The following EFR3B variants were observed in gnomAD, a reference collection of about 807,000 sequenced individuals.
The protein encoded by EFR3B is EFR3 homolog B.
In EFR3B, 64 loss-of-function variants were observed where a neutral mutation model predicts 104.7. That is an observed-to-expected ratio of 0.61 (90% CI 0.50 to 0.75). EFR3B has a LOEUF of 0.75. Among genes scored for constraint, EFR3B ranks in the 30% least tolerant of loss-of-function variants. EFR3B has a pLI of 0.00. For missense variants in EFR3B, 750 were observed against 1,078.5 expected (o/e 0.70, Z 4.27); for synonymous variants, 385 against 417.9 (o/e 0.92, Z 0.96).
Position 25,126,363 on chromosome 2 carries a change from C to CT in EFR3B, c.486-1806dup, listed in dbSNP as rs869190804. Among the ~76,000 whole-genome samples the CT allele has an allele frequency of 4.6e-3, 664 of 143,614 alleles. 4 individuals carry two copies. Among genetic ancestry groups the CT allele is most frequent in the African/African-American group, 8.8e-3 (345 of 39,364 alleles). The allele number at this position is 143,614 out of a possible 152,430, so 94.2% of individuals were successfully genotyped here. ...ACCACCATACCTGGCTAATTTCTTT[C>CT]TTTTTTTTTTTTTTGAGACAGGGTC... On this transcript the variant is annotated intron_variant, in intron 5 of 22. Transcript: ENST00000403714.
chr2:25,128,400 A>T, intron 6 of EFR3B, 68 bp downstream of exon 6: 1 of 1,539,356 alleles, frequency 6.5e-7, no homozygotes, highest in Non-Finnish European at 8.8e-7. Context: ...TGGGAACCAC[A>T]TGGTTTGGGT....
At chr2:25,085,265 A>T (rs1303539485) in intron 1 of EFR3B, among the ~76,000 whole-genome samples, 1 of 152,214 alleles carries the variant, frequency 6.6e-6, no homozygotes, top group African/African-American at 2.4e-5. Flanking sequence ...CAAAGGTCAG[A>T]TGACAGAATT....
At chr2:25,129,788 TC>T (rs1210994843) in intron 6 of EFR3B, among the ~76,000 whole-genome samples, 186 bp from the exon 7 acceptor site, 1 of 152,092 alleles carries the variant, frequency 6.6e-6, no homozygotes, top group Non-Finnish European at 1.5e-5. Context: ...TTCCCCCACT[TC>T]CCCCAGTGGG....
Position 25,042,288 on chromosome 2 carries a change from C to T in EFR3B, c.-25C>T, listed in dbSNP as rs1667593859. ...GGGAACGCCGCAGCGACGCCGGCCTCTCGAGAGGCGCGCGCCCCGCCGAGA... is the reference window on the plus strand; with the variant it reads ...GGGAACGCCGCAGCGACGCCGGCCTTTCGAGAGGCGCGCGCCCCGCCGAGA... On this transcript the variant is annotated 5_prime_UTR_variant, in exon 1 of 23. Transcript: ENST00000403714. The surrounding 1 kb of genome is among the most constrained non-coding windows in gnomAD (Gnocchi z 5.4). 3.1e-6 allele frequency: 4 copies of T among 1,297,182 alleles called. No individual in the cohort carries two copies. The highest frequency in any genetic ancestry group is 3.9e-6 in the Non-Finnish European group (4 of 1,024,766). 80.4% of individuals were successfully genotyped at this position (1,297,182 alleles called of 1,614,324 possible). A position where few individuals can be genotyped will look rare whatever the true frequency, so the allele number is the denominator to read the frequency against.
intron 4 of EFR3B, among the ~76,000 whole-genome samples, chr2:25,112,334 G>C (rs1332326524): frequency 1.3e-5 from 2 of 152,258 alleles, no homozygotes; most frequent in Non-Finnish European, 2.9e-5. Flanking sequence ...AGATGGGGCT[G>C]CCCAGGGCCA....
At chr2:25,083,996 C>A (rs532063995) in intron 1 of EFR3B, among the ~76,000 whole-genome samples, 145 of 152,210 alleles carry the variant, frequency 9.5e-4, no homozygotes, top group African/African-American at 3.3e-3. Context: ...GTAACCTATC[C>A]CTGCCCTGGT....
intron 10 of EFR3B, 102 bp from the exon 11 acceptor site, chr2:25,132,801 T>A: frequency 1.1e-6 from 1 of 948,072 alleles, no homozygotes; most frequent in South Asian, 1.5e-5. Context: ...CTGGATTGAC[T>A]CCGGAGAGAG....
intron 17 of EFR3B, among the ~76,000 whole-genome samples, chr2:25,142,595 C>T (rs900532476): frequency 2.0e-5 from 3 of 151,350 alleles, no homozygotes; most frequent in Non-Finnish European, 4.4e-5. Context: ...CCTGTCTCTA[C>T]TAAAAATACA....
In EFR3B at chr2:25,133,033, C is replaced by T. The variant is rs1670413128; in HGVS notation, c.1259+19C>T. Reference sequence around the variant, plus strand: ...GGACGGGGTGAGCCACCAATCTCCCCCAGCCTGGAGTCCTCCTCTCCCCCA... The same window carrying T: ...GGACGGGGTGAGCCACCAATCTCCCTCAGCCTGGAGTCCTCCTCTCCCCCA... On this transcript the variant is annotated intron_variant, in intron 11 of 22. Coordinates refer to ENST00000403714, the MANE Select transcript of EFR3B (RefSeq NM_014971.2). 4 of 1,547,052 alleles carry T rather than the reference C, an allele frequency of 2.6e-6. No individual in the cohort carries two copies. The highest frequency in any genetic ancestry group is 1.7e-4 in the Middle Eastern group (1 of 5,982).
chr2:25,070,983 C>A (rs776883212), intron 1 of EFR3B, among the ~76,000 whole-genome samples: 2 of 152,224 alleles, frequency 1.3e-5, no homozygotes, highest in Non-Finnish European at 2.9e-5. Flanking sequence ...TTTTTTGAGA[C>A]GGAGTCTCGC....
At chr2:25,135,660 C>A (rs1226933068) in intron 13 of EFR3B, 21 bp downstream of exon 13, 1 of 1,551,706 alleles carries the variant, frequency 6.4e-7, no homozygotes. Context: ...GGTGTCTCCT[C>A]CAGGCAATGC....
At chr2:25,077,596 C>G (rs910311099) in intron 1 of EFR3B, among the ~76,000 whole-genome samples, 1 of 152,152 alleles carries the variant, frequency 6.6e-6, no homozygotes, top group Non-Finnish European at 1.5e-5. Flanking sequence ...GCCGAAAGGC[C>G]TTCAGTAAGA....
chr2:25,085,076 C>T (rs1207216817), intron 1 of EFR3B, among the ~76,000 whole-genome samples: 2 of 152,248 alleles, frequency 1.3e-5, no homozygotes, highest in Non-Finnish European at 2.9e-5. Flanking sequence ...GTCTTTTTCA[C>T]TGCTATGAAC....
chr2:25,103,473 C>A lies in EFR3B; in HGVS notation c.213-164C>A, dbSNP rs980703584. ...ATTCTGACTCAGTTCTGGGCTGGAG[C>A]AGACACTTGTTGGAAAGGCTATCCA... On this transcript the variant is annotated intron_variant, in intron 3 of 22. Coordinates refer to ENST00000403714, the MANE Select transcript of EFR3B (RefSeq NM_014971.2). 9.8e-5 allele frequency among the ~76,000 whole-genome samples: 15 copies of A among 152,332 alleles called. No homozygotes were observed. In the South Asian group the frequency reaches 1.9e-3, roughly 19 times the overall value.
Position 25,114,790 on chromosome 2 carries a change from G to T in EFR3B, c.364-6883G>T, listed in dbSNP as rs551283900. Among the ~76,000 whole-genome samples, 2 of 152,196 alleles carry T rather than the reference G, an allele frequency of 1.3e-5. No individual in the cohort carries two copies. The highest frequency in any genetic ancestry group is 2.9e-5 in the Non-Finnish European group (2 of 68,032). On this transcript the variant is annotated intron_variant, in intron 4 of 22. Transcript: ENST00000403714. The surrounding 1 kb of genome is among the most constrained non-coding windows in gnomAD (Gnocchi z 4.0). ...GCGAGAGCTTTCTTCCCCTGACCCT[G>T]CCTCAGAACATTTCTATAGCTGTGG...
At chr2:25,089,361 C>T (rs553060913) in intron 1 of EFR3B, among the ~76,000 whole-genome samples, 33 of 152,258 alleles carry the variant, frequency 2.2e-4, no homozygotes, top group Non-Finnish European at 4.3e-4. Flanking sequence ...CTTTGTCCAG[C>T]GCAGGCCTCA....
chr2:25,124,277 AGTGT>A (rs5829961), intron 5 of EFR3B, among the ~76,000 whole-genome samples: 4,702 of 124,506 alleles, frequency 0.038, 96 homozygotes, highest in African/African-American at 0.045. Context: ...TGTGCATGCA[AGTGT>A]GTGTGTGTGT....
At chr2:25,091,443 A>C in intron 2 of EFR3B, 42 bp downstream of exon 2, 2 of 1,517,492 alleles carry the variant, frequency 1.3e-6, no homozygotes, top group African/African-American at 1.4e-5. Flanking sequence ...CTCATGGTCC[A>C]GGCAGGGCCT....
At chr2:25,124,352 TCA>T (rs1156407085) in intron 5 of EFR3B, among the ~76,000 whole-genome samples, 1 of 149,696 alleles carries the variant, frequency 6.7e-6, no homozygotes, top group Non-Finnish European at 1.5e-5. Context: ...GGTCAGTGGA[TCA>T]GTATTATCTG....
Sources: allele counts gnomAD v4.1 joint callset (sites outside exome capture counted in the v4.1 genomes callset), GRCh38; gene constraint gnomAD v4.1.1; non-coding constraint Gnocchi (gnomAD v3.1); transcripts MANE v1.5; gene names NCBI Gene and HGNC (gene_info 2026-07-23, HGNC 2026-07-21).